The following PRR12 variants were observed in gnomAD, a reference collection of about 807,000 sequenced individuals.
The protein encoded by PRR12 is proline rich 12.
A neutral mutation model predicts 138.0 loss-of-function variants in PRR12; 12 were observed. That is an observed-to-expected ratio of 0.09 (90% CI 0.06 to 0.14). The LOEUF (loss-of-function observed/expected upper bound fraction) is 0.14. PRR12 is among the 10% of genes least tolerant of loss of function. The pLI is 1.00. For synonymous variants in PRR12, 1,567 were observed against 1,291.7 expected (o/e 1.21, Z -4.57); for missense variants, 2,692 against 2,861.3 (o/e 0.94, Z 1.35).
At chr19:49,617,556 A>G (rs1206296538) in intron 9 of PRR12, among the ~76,000 whole-genome samples, 1 of 152,174 alleles carries the variant, frequency 6.6e-6, no homozygotes, top group African/African-American at 2.4e-5. Context: ...ACTTGAGCCC[A>G]TGAGTTCAAG....
rs2080954445 is a variant in PRR12, at chr19:49,626,102, G to C, written c.*495G>C. On this transcript the variant is annotated 3_prime_UTR_variant, in exon 14 of 14. Coordinates refer to ENST00000418929, the MANE Select transcript of PRR12 (RefSeq NM_020719.3). ...CGGGTGGGAGGGGAAAACGCATCTT[G>C]TTAATTATTTTTAATCTTATTTATT... The C allele has an allele frequency of 6.6e-6, 1 of 152,026 alleles. No homozygotes were observed. Among genetic ancestry groups the C allele is most frequent in the Admixed American group, 6.5e-5 (1 of 15,274 alleles). The allele number at this position is 152,026 out of a possible 1,614,324, so 9.4% of individuals were successfully genotyped here.
chr19:49,600,845 C>T lies in PRR12; in HGVS notation c.4346-646C>T, dbSNP rs2080806443. Among the ~76,000 whole-genome samples, 3 of 152,096 alleles carry T rather than the reference C, an allele frequency of 2.0e-5. No homozygotes were observed. The South Asian group carries it at 6.2e-4, about 31-fold the overall frequency. ...GTTCAAGTGATTCTCCTGCCTCAGCCTCCCGAGTAGCTGGGACTACAGGCG... is the reference window on the plus strand; with the variant it reads ...GTTCAAGTGATTCTCCTGCCTCAGCTTCCCGAGTAGCTGGGACTACAGGCG... On this transcript the variant is annotated intron_variant, in intron 5 of 13. Transcript: ENST00000418929.
At position 49,625,556 on chromosome 19, in the gene PRR12, C is replaced by T; in HGVS notation, c.6060C>T (p.Asp2020=). The change falls in exon 14 of 14, where the codon GAC becomes GAT. Residue 2020 remains aspartate, a synonymous_variant. Coordinates refer to ENST00000418929, the MANE Select transcript of PRR12 (RefSeq NM_020719.3). This position sits in a 1 kb window ranked among gnomAD's most constrained non-coding sequence, Gnocchi z 5.5. ...AGCCGTGGCTGGAACAGCTCTTTGA[C>T]TCCTTCAGTGACCTGCTGGCCCAAG... ...RNQPWLEQLF[D]SFSDLLAQAQ... 5 of 1,612,568 alleles carry T rather than the reference C, an allele frequency of 3.1e-6. No individual in the cohort carries two copies. Among genetic ancestry groups the T allele is most frequent in the Non-Finnish European group, 4.2e-6 (5 of 1,179,480 alleles).
rs1201501120 is a variant in PRR12 at position 49,624,656 on chromosome 19, C to A, written c.5722-188C>A. ...TTTTGGGTGACATTGAGAATCTGAG[C>A]CAGGCCAGAAGGCACAGTGGAAGCA... On this transcript the variant is annotated intron_variant, in intron 11 of 13. Coordinates refer to ENST00000418929, the MANE Select transcript of PRR12 (RefSeq NM_020719.3). Among the ~76,000 whole-genome samples, 3 of 151,738 alleles carry A rather than the reference C, an allele frequency of 2.0e-5. No homozygotes were observed. In the East Asian group the frequency reaches 5.8e-4, roughly 29 times the overall value.
At chr19:49,593,602 G>C (rs7251295) in intron 2 of PRR12, among the ~76,000 whole-genome samples, 163 bp downstream of exon 2, 53,013 of 151,742 alleles carry the variant, frequency 0.35, 11,203 homozygotes, top group African/African-American at 0.6. Flanking sequence ...GCTGCTGGTC[G>C]CTGCTTCATT....
At chr19:49,620,045 G>T (rs1206707572) in intron 9 of PRR12, among the ~76,000 whole-genome samples, 1 of 151,356 alleles carries the variant, frequency 6.6e-6, no homozygotes, top group Non-Finnish European at 1.5e-5. Context: ...TAGAGACAGG[G>T]TTTTGCCACG....
At chr19:49,606,852 G>T (rs932540696) in intron 6 of PRR12, among the ~76,000 whole-genome samples, 1 of 151,932 alleles carries the variant, frequency 6.6e-6, no homozygotes, top group Non-Finnish European at 1.5e-5. Flanking sequence ...TCACCATGTT[G>T]GTCAGGCTGG....
intron 6 of PRR12, among the ~76,000 whole-genome samples, chr19:49,611,374 C>G: frequency 6.6e-6 from 1 of 151,586 alleles, no homozygotes; most frequent in Non-Finnish European, 1.5e-5. Flanking sequence ...CAGTGGCTCA[C>G]GCTTGTAATC....
rs1401446096 is a variant in PRR12 at position 49,591,436 on chromosome 19, G to C, written c.-219G>C. Among the ~76,000 whole-genome samples the C allele has an allele frequency of 7.1e-6, 1 of 140,384 alleles. No homozygotes were observed. Among genetic ancestry groups the C allele is most frequent in the Non-Finnish European group, 1.6e-5 (1 of 64,040 alleles). The allele number at this position is 140,384 out of a possible 152,430, so 92.1% of individuals were successfully genotyped here. ...CCCCTTCCCCCTTCCTTGGCTCAGC[G>C]ACTGCACCCCCTCCCTTGCCCGCCC... On this transcript the variant is annotated 5_prime_UTR_variant, in exon 1 of 14. Coordinates refer to ENST00000418929, the MANE Select transcript of PRR12 (RefSeq NM_020719.3).
intron 9 of PRR12, among the ~76,000 whole-genome samples, chr19:49,617,351 G>C (rs1252679240): frequency 6.6e-6 from 1 of 152,112 alleles, no homozygotes; most frequent in Non-Finnish European, 1.5e-5. Context: ...ATGGGGGCTG[G>C]GTGTGGTGGC....
At chr19:49,624,716 G>A in intron 11 of PRR12, 128 bp from the exon 12 acceptor site, 1 of 1,373,638 alleles carries the variant, frequency 7.3e-7, no homozygotes, top group Admixed American at 2.7e-5. Context: ...TGTCCTTTGA[G>A]GAGACTCTAG....
rs146602001 is a variant in PRR12, at chr19:49,592,113, G to T, written c.86+373G>T. On this transcript the variant is annotated intron_variant, in intron 1 of 13. Coordinates refer to ENST00000418929, the MANE Select transcript of PRR12 (RefSeq NM_020719.3). ...CCCCAGGCACTGCTCTTGCAAAGGT[G>T]GGAAGAAGAGAAGAATTAGAACGCA... Among the ~76,000 whole-genome samples the T allele has an allele frequency of 7.4e-3, 1,123 of 151,792 alleles. 45 individuals are homozygous for T. Among genetic ancestry groups the T allele is most frequent in the East Asian group, 0.068 (345 of 5,060 alleles).
rs1403667556 is a variant in PRR12, at chr19:49,595,680, C to G, written c.1345C>G (p.Gln449Glu). Reference sequence around the variant, plus strand: ...CCAGGCTTATTCCCCCGGTCAGCCTCAAGGGCTTCTGGGACCCCAGGCCTA... The same window carrying G: ...CCAGGCTTATTCCCCCGGTCAGCCTGAAGGGCTTCTGGGACCCCAGGCCTA... ...GGQAYSPGQP[Q>E]GLLGPQAYGQ... Residue 449 changes from glutamine to glutamate, a missense_variant, in exon 4 of 14, where the codon CAA becomes GAA. Gln to Glu is a conservative substitution (Grantham distance 29). Transcript: ENST00000418929. 1.3e-6 allele frequency: 2 copies of G among 1,596,120 alleles called. No individual in the cohort carries two copies. The highest frequency in any genetic ancestry group is 8.5e-7 in the Non-Finnish European group (1 of 1,171,936).
rs557659919 is a variant in PRR12, at chr19:49,596,543, C to T, written c.2208C>T (p.Gly736=). 4.2e-5 allele frequency: 67 copies of T among 1,606,612 alleles called. No homozygotes were observed. The highest frequency in any genetic ancestry group is 2.7e-4 in the East Asian group (12 of 44,762). Residue 736 remains glycine, a synonymous_variant, in exon 4 of 14, where the codon GGC becomes GGT. Transcript: ENST00000418929. This position sits in a 1 kb window ranked among gnomAD's most constrained non-coding sequence, Gnocchi z 5.6. Reference sequence around the variant, plus strand: ...AGAAGAAAGGGCCAGAGCGGGGTGGCGAGACCCCCGAGGGGCTGGCCACCT... The same window carrying T: ...AGAAGAAAGGGCCAGAGCGGGGTGGTGAGACCCCCGAGGGGCTGGCCACCT... ...KEKKKGPERG[G]ETPEGLATSV...
In PRR12 at chr19:49,594,761, T is replaced by C. The variant is rs552599800; in HGVS notation, c.426T>C (p.Phe142=). 6.8e-6 allele frequency: 11 copies of C among 1,613,384 alleles called. No individual in the cohort carries two copies. The East Asian group carries it at 2.0e-4, about 29-fold the overall frequency. The change falls in exon 4 of 14, where the codon TTT becomes TTC. Residue 142 remains phenylalanine, a synonymous_variant. Coordinates refer to ENST00000418929, the MANE Select transcript of PRR12 (RefSeq NM_020719.3). This position sits in a 1 kb window ranked among gnomAD's most constrained non-coding sequence, Gnocchi z 5.6. ...ISGALPGSST[F]PSSSALSAYQ... ...GTGCCCTGCCGGGTTCCAGCACCTT[T>C]CCGTCCTCATCTGCCCTGTCGGCTT... is the stretch of plus-strand genomic sequence containing the variant.
chr19:49,597,033 G>C lies in PRR12; in HGVS notation c.2698G>C (p.Gly900Arg). Residue 900 changes from glycine to arginine, a missense_variant, in exon 4 of 14, where the codon GGC becomes CGC. Physicochemically the swap from Gly to Arg is moderately radical, Grantham distance 125 (BLOSUM62 -2). This residue lies in a region of PRR12 where 840 missense variants were observed against 689.8 expected (regional missense o/e 1.22). Coordinates refer to ENST00000418929, the MANE Select transcript of PRR12 (RefSeq NM_020719.3). The surrounding 1 kb of genome is among the most constrained non-coding windows in gnomAD (Gnocchi z 6.3). ...LPPAPGDTGV[G>R]PPNSEGKDPA... is the part of the protein sequence containing the mutation. ...CCCGGCGCCTGGGGATACTGGCGTAGGCCCACCAAACTCGGAGGGCAAGGA... is the reference window on the plus strand; with the variant it reads ...CCCGGCGCCTGGGGATACTGGCGTACGCCCACCAAACTCGGAGGGCAAGGA... 6.4e-7 allele frequency: 1 copy of C among 1,557,714 alleles called. No individual in the cohort carries two copies. The highest frequency in any genetic ancestry group is 8.7e-7 in the Non-Finnish European group (1 of 1,152,814).
intron 5 of PRR12, among the ~76,000 whole-genome samples, chr19:49,600,855 G>A (rs1328725355): frequency 1.3e-5 from 2 of 152,088 alleles, no homozygotes; most frequent in Admixed American, 1.3e-4. Flanking sequence ...CTCCCGAGTA[G>A]CTGGGACTAC....
At chr19:49,608,238 C>T (rs2080848314) in intron 6 of PRR12, among the ~76,000 whole-genome samples, 1 of 151,938 alleles carries the variant, frequency 6.6e-6, no homozygotes, top group Non-Finnish European at 1.5e-5. Flanking sequence ...ACCTGCAATC[C>T]CAGCACTTCG....
At chr19:49,604,861 C>T (rs2080830325) in intron 6 of PRR12, among the ~76,000 whole-genome samples, 1 of 151,856 alleles carries the variant, frequency 6.6e-6, no homozygotes, top group South Asian at 2.1e-4. Context: ...TTTCTATGCC[C>T]GTTTTTTCTG....
Sources: allele counts gnomAD v4.1 joint callset (sites outside exome capture counted in the v4.1 genomes callset), GRCh38; gene constraint gnomAD v4.1.1; regional missense constraint gnomAD v4.1.1; non-coding constraint Gnocchi (gnomAD v3.1); transcripts MANE v1.5; gene names NCBI Gene and HGNC (gene_info 2026-07-23, HGNC 2026-07-21).